CNTN4: variants seen among roughly 807,000 people sequenced by gnomAD.
CNTN4 encodes contactin-4.
A neutral mutation model predicts 122.5 loss-of-function variants in CNTN4; 77 were observed. That is an observed-to-expected ratio of 0.63 (90% CI 0.52 to 0.76). The LOEUF (loss-of-function observed/expected upper bound fraction) is 0.76. CNTN4 is among the 30% of genes least tolerant of loss of function. The probability of loss-of-function intolerance (pLI) is 0.00; values close to 1 mark genes in which losing one functional copy is unlikely to be tolerated. For missense variants in CNTN4, 1,256 were observed against 1,259.1 expected, an observed-to-expected ratio of 1.00 and a Z score of 0.04; for synonymous variants, 512 against 447.0, an observed-to-expected ratio of 1.15 and a Z score of -1.83.
intron 3 of CNTN4, among the ~76,000 whole-genome samples, chr3:2,384,731 G>T (rs778217170): frequency 6.6e-6 from 1 of 151,222 alleles, no homozygotes; most frequent in East Asian, 1.9e-4. Context: ...TTTGTCCCTG[G>T]CTCCTACACC....
At chr3:2,915,027 G>A (rs74991365) in intron 12 of CNTN4, among the ~76,000 whole-genome samples, 2,957 of 152,204 alleles carry the variant, frequency 0.019, 32 homozygotes, top group African/African-American at 0.028. Flanking sequence ...CCACGTGATC[G>A]TTCCAATTGA....
rs530758698 is a variant in CNTN4 at position 2,948,378 on chromosome 3, C to A, written c.1358+22599C>A. ...TGGAACAAATAAAATAGTAAAAGTG[C>A]TGGGTAGGAGTGCTTCGTACTCATT... On this transcript the variant is annotated intron_variant, in intron 13 of 24. Transcript: ENST00000418658. Among the ~76,000 whole-genome samples the A allele has an allele frequency of 7.7e-4, 117 of 152,224 alleles. 5 individuals carry two copies. In the South Asian group the frequency reaches 0.024, roughly 31 times the overall value.
At chr3:2,270,192 A>G (rs372388840) in intron 2 of CNTN4, among the ~76,000 whole-genome samples, 1,952 of 38,018 alleles carry the variant, frequency 0.051, 422 homozygotes, top group African/African-American at 0.11. Context: ...CTCATGATCC[A>G]CCCGCCTCGG....
chr3:2,184,564 G>A (rs1170096713), intron 2 of CNTN4, among the ~76,000 whole-genome samples: 1 of 152,110 alleles, frequency 6.6e-6, no homozygotes, highest in East Asian at 1.9e-4. Flanking sequence ...TTGAATGTTT[G>A]TGTCCCCTCC....
intron 2 of CNTN4, among the ~76,000 whole-genome samples, chr3:2,111,702 A>G (rs1434389163): frequency 1.3e-5 from 2 of 152,078 alleles, no homozygotes; most frequent in African/African-American, 4.8e-5. Flanking sequence ...AACCTTTTTT[A>G]GCTTCATTTT....
At chr3:2,379,515 C>A (rs976598744) in intron 3 of CNTN4, among the ~76,000 whole-genome samples, 1 of 152,012 alleles carries the variant, frequency 6.6e-6, no homozygotes, top group Non-Finnish European at 1.5e-5. Context: ...TACCACAGGC[C>A]TCTTTTGTCT....
At chr3:2,400,532 G>C (rs533534512) in intron 3 of CNTN4, among the ~76,000 whole-genome samples, 6 of 147,222 alleles carry the variant, frequency 4.1e-5, no homozygotes, top group African/African-American at 1.5e-4. Context: ...CTGCCACTTG[G>C]TGGATATTTG....
intron 3 of CNTN4, among the ~76,000 whole-genome samples, chr3:2,393,044 A>T (rs966495122): frequency 6.6e-6 from 1 of 152,172 alleles, no homozygotes; most frequent in Non-Finnish European, 1.5e-5. Flanking sequence ...GCCAAAATCC[A>T]AGTTGGCAGG....
chr3:2,719,750 A>G (rs2675285), intron 4 of CNTN4, among the ~76,000 whole-genome samples: 8,467 of 152,142 alleles, frequency 0.056, 582 homozygotes, highest in African/African-American at 0.16. Context: ...AATAGAATGA[A>G]AAGTTAATTT....
chr3:2,781,273 G>A (rs1172379710), intron 6 of CNTN4, among the ~76,000 whole-genome samples: 2 of 152,030 alleles, frequency 1.3e-5, no homozygotes, highest in East Asian at 3.8e-4. Flanking sequence ...TGAAACTATG[G>A]AGAAAATAGT....
chr3:2,771,563 C>A (rs1214517014), intron 6 of CNTN4, among the ~76,000 whole-genome samples: 2 of 151,996 alleles, frequency 1.3e-5, no homozygotes, highest in African/African-American at 4.8e-5. Flanking sequence ...GTATCAATGG[C>A]CATTTTAAGG....
chr3:3,056,040 G>C, intron 24 of CNTN4, 80 bp from the exon 25 acceptor site: 1 of 973,326 alleles, frequency 1.0e-6, no homozygotes, highest in Non-Finnish European at 1.6e-6. Context: ...CAGTTCTGCT[G>C]TTTCAAAAAG....
At chr3:2,646,415 C>T (rs895454232) in intron 4 of CNTN4, among the ~76,000 whole-genome samples, 16 of 152,072 alleles carry the variant, frequency 1.1e-4, no homozygotes, top group African/African-American at 2.9e-4. Context: ...TTAGTTTCTT[C>T]GTGTGTAATT....
chr3:2,113,463 G>A (rs1038616374), intron 2 of CNTN4, among the ~76,000 whole-genome samples: 3 of 152,144 alleles, frequency 2.0e-5, no homozygotes, highest in Non-Finnish European at 2.9e-5. Context: ...TCACGCAGAT[G>A]CACTGTATCA....
At chr3:2,588,742 G>A (rs1479539) in intron 4 of CNTN4, among the ~76,000 whole-genome samples, 128,508 of 148,772 alleles carry the variant, frequency 0.86, 56,715 homozygotes, top group Non-Finnish European at 0.97. Flanking sequence ...TGCATCTTGC[G>A]TTTTTAGAAA....
chr3:2,969,986 G>C (rs1415221898), intron 13 of CNTN4, among the ~76,000 whole-genome samples: 1 of 152,062 alleles, frequency 6.6e-6, no homozygotes, highest in Non-Finnish European at 1.5e-5. Flanking sequence ...GAACAACTAA[G>C]GGGTTAGGAG....
rs528450684 is a variant in CNTN4, at chr3:2,481,495, C to G, written c.-88-89921C>G. Among the ~76,000 whole-genome samples the G allele has an allele frequency of 2.0e-5, 3 of 151,992 alleles. No homozygotes were observed. The South Asian group carries it at 6.2e-4, about 32-fold the overall frequency. On this transcript the variant is annotated intron_variant, in intron 3 of 24. Transcript: ENST00000418658. Reference sequence around the variant, plus strand: ...AACAACTGAACATCAACATGTAAGACAAAAACAAATCAAAAAAAGAATCTA... The same window carrying G: ...AACAACTGAACATCAACATGTAAGAGAAAAACAAATCAAAAAAAGAATCTA...
At chr3:2,445,396 TC>T (rs34603509) in intron 3 of CNTN4, among the ~76,000 whole-genome samples, 97,333 of 151,888 alleles carry the variant, frequency 0.64, 31,492 homozygotes, top group East Asian at 0.81. Context: ...TATTTTTAAT[TC>T]TTTGATAAAT....
At chr3:3,023,539 G>A (rs1056460524) in intron 14 of CNTN4, among the ~76,000 whole-genome samples, 1 of 152,158 alleles carries the variant, frequency 6.6e-6, no homozygotes. Flanking sequence ...TAGGCTTTGG[G>A]GTATGTGCCA....
Sources: allele counts gnomAD v4.1 joint callset (sites outside exome capture counted in the v4.1 genomes callset), GRCh38; gene constraint gnomAD v4.1.1; transcripts MANE v1.5; gene names NCBI Gene and HGNC (gene_info 2026-07-23, HGNC 2026-07-21).